LRRC4C: variants seen among roughly 807,000 people sequenced by gnomAD.
LRRC4C encodes the protein leucine rich repeat containing 4C, also known as leucine-rich repeat-containing protein 4C.
Under a neutral mutation model 33.6 loss-of-function variants are expected in LRRC4C, and 5 were observed. That is an observed-to-expected ratio of 0.15 (90% CI 0.08 to 0.31). LRRC4C has a LOEUF of 0.31. LRRC4C is among the 10% of genes least tolerant of loss of function. The pLI, the probability that LRRC4C is intolerant of heterozygous loss-of-function variation, is 1.00. For synonymous variants in LRRC4C, 329 were observed against 302.0 expected, an observed-to-expected ratio of 1.09 and a Z score of -0.93; for missense variants, 560 against 796.7, an observed-to-expected ratio of 0.70 and a Z score of 3.58.
chr11:41,407,277 T>A (rs532522618), intron 1 of LRRC4C, among the ~76,000 whole-genome samples: 4 of 152,066 alleles, frequency 2.6e-5, no homozygotes, highest in African/African-American at 9.6e-5. Context: ...AATCCAGGTC[T>A]GTTTGATTAA....
intron 1 of LRRC4C, among the ~76,000 whole-genome samples, chr11:40,948,599 T>C (rs1028920845): frequency 3.7e-4 from 53 of 144,626 alleles, no homozygotes; most frequent in African/African-American, 1.4e-3. Flanking sequence ...TTCCCACCTA[T>C]GAGTGAGAAT....
At chr11:41,316,277 AAAC>A (rs1343818147) in intron 1 of LRRC4C, among the ~76,000 whole-genome samples, 8 of 150,246 alleles carry the variant, frequency 5.3e-5, no homozygotes, top group African/African-American at 7.3e-5. Flanking sequence ...AAAAAAAAAA[AAAC>A]AAAAAAAAAC....
intron 1 of LRRC4C, among the ~76,000 whole-genome samples, chr11:41,058,751 T>C (rs956722102): frequency 1.3e-5 from 2 of 152,222 alleles, no homozygotes; most frequent in Admixed American, 6.5e-5. Context: ...TGAAGAAACA[T>C]GCACATATAT....
chr11:40,420,050 A>G (rs1490769462), intron 3 of LRRC4C, among the ~76,000 whole-genome samples: 1 of 152,238 alleles, frequency 6.6e-6, no homozygotes, highest in African/African-American at 2.4e-5. Context: ...ATTAGCCAAC[A>G]CCTGGGGCAT....
intron 1 of LRRC4C, among the ~76,000 whole-genome samples, chr11:41,075,351 A>T (rs1409962313): frequency 6.6e-6 from 1 of 152,146 alleles, no homozygotes; most frequent in Non-Finnish European, 1.5e-5. Flanking sequence ...AGTTTACCAG[A>T]ATGAGAATGA....
At chr11:41,092,783 C>A (rs11036226) in intron 1 of LRRC4C, among the ~76,000 whole-genome samples, 32,998 of 152,150 alleles carry the variant, frequency 0.22, 4,056 homozygotes, top group East Asian at 0.33. Context: ...TCCAGACTTG[C>A]AATTAGTAAA....
intron 5 of LRRC4C, among the ~76,000 whole-genome samples, chr11:40,193,390 CAG>C (rs1387115081): frequency 1.3e-5 from 2 of 152,154 alleles, no homozygotes; most frequent in South Asian, 2.1e-4. Flanking sequence ...AACTAACAAA[CAG>C]AAAGCAATAG....
At chr11:40,318,548 G>T (rs1945687222) in intron 4 of LRRC4C, among the ~76,000 whole-genome samples, 1 of 152,028 alleles carries the variant, frequency 6.6e-6, no homozygotes, top group South Asian at 2.1e-4. Context: ...CTTTCTTCAA[G>T]CTTATGATTC....
chr11:40,780,628 G>T (rs1422887833), intron 2 of LRRC4C, among the ~76,000 whole-genome samples: 1 of 151,896 alleles, frequency 6.6e-6, no homozygotes, highest in Non-Finnish European at 1.5e-5. Flanking sequence ...AGATACAAAG[G>T]GTCATCACCA....
In LRRC4C at chr11:41,238,801, G is replaced by A. The variant is rs1356298651; in HGVS notation, c.-496+220630C>T. ...AGGTAATAAAAACAAACAAATAATA[G>A]CATTCAACTCTACGATCTTGGACAA... On this transcript the variant is annotated intron_variant, in intron 1 of 6. Transcript: ENST00000528697. Among the ~76,000 whole-genome samples the A allele has an allele frequency of 5.9e-5, 9 of 152,084 alleles. No individual in the cohort carries two copies. In the South Asian group the frequency reaches 6.2e-4, roughly 11 times the overall value.
At chr11:41,321,967 C>T (rs1370829741) in intron 1 of LRRC4C, among the ~76,000 whole-genome samples, 1 of 151,974 alleles carries the variant, frequency 6.6e-6, no homozygotes, top group East Asian at 1.9e-4. Context: ...CTGGTTCAAG[C>T]GATTCTCCTG....
chr11:40,431,139 A>T, intron 3 of LRRC4C, among the ~76,000 whole-genome samples: 1 of 133,794 alleles, frequency 7.5e-6, no homozygotes, highest in African/African-American at 3.2e-5. Context: ...TTGTACTTTA[A>T]AAAAAAAAAA....
chr11:40,613,982 A>C (rs542845119), intron 3 of LRRC4C, among the ~76,000 whole-genome samples: 1 of 151,878 alleles, frequency 6.6e-6, no homozygotes, highest in African/African-American at 2.4e-5. Flanking sequence ...TTGTTGTCTC[A>C]TGTGTAGATC....
At chr11:40,312,326 A>G (rs1945355042) in intron 4 of LRRC4C, among the ~76,000 whole-genome samples, 1 of 152,138 alleles carries the variant, frequency 6.6e-6, no homozygotes, top group Non-Finnish European at 1.5e-5. Context: ...TCCCATTTCT[A>G]CCTTCTTTCC....
chr11:40,274,509 T>A (rs756224499), intron 4 of LRRC4C, among the ~76,000 whole-genome samples: 1 of 147,702 alleles, frequency 6.8e-6, no homozygotes, highest in Non-Finnish European at 1.5e-5. Flanking sequence ...ACATGGATAG[T>A]AGCAGAAATA....
At chr11:40,579,657 G>A (rs557782952) in intron 3 of LRRC4C, among the ~76,000 whole-genome samples, 4 of 152,046 alleles carry the variant, frequency 2.6e-5, no homozygotes, top group East Asian at 3.9e-4. Flanking sequence ...CTTTCAGCCC[G>A]TCTATAACTC....
intron 5 of LRRC4C, among the ~76,000 whole-genome samples, chr11:40,204,611 C>T (rs1406791405): frequency 6.6e-6 from 1 of 152,002 alleles, no homozygotes; most frequent in Non-Finnish European, 1.5e-5. Context: ...GCAAAACTAC[C>T]TTCTATCATA....
intron 3 of LRRC4C, among the ~76,000 whole-genome samples, chr11:40,505,362 C>G (rs1954981515): frequency 6.6e-6 from 1 of 152,154 alleles, no homozygotes; most frequent in Non-Finnish European, 1.5e-5. Flanking sequence ...CCTTGTGTTT[C>G]CCTTCTCTAC....
At chr11:40,851,415 C>CG (rs1270021553) in intron 2 of LRRC4C, among the ~76,000 whole-genome samples, 2 of 152,008 alleles carry the variant, frequency 1.3e-5, no homozygotes, top group African/African-American at 4.8e-5. Flanking sequence ...TTGTGCTTCC[C>CG]GGGTGAGGCA....
Sources: allele counts gnomAD v4.1 joint callset (sites outside exome capture counted in the v4.1 genomes callset), GRCh38; gene constraint gnomAD v4.1.1; transcripts MANE v1.5; gene names NCBI Gene and HGNC (gene_info 2026-07-23, HGNC 2026-07-21).